GNG7: variants seen among roughly 807,000 people sequenced by gnomAD.
The protein encoded by GNG7 is guanine nucleotide-binding protein G(I)/G(S)/G(O) subunit gamma-7.
In GNG7, 1 loss-of-function variant was observed where a neutral mutation model predicts 4.0. The observed-to-expected ratio is 0.25, with a 90% confidence interval of 0.09 to 1.18. The LOEUF is 1.18. Among genes scored for constraint, GNG7 ranks in the 50% most tolerant of loss-of-function variants. GNG7 has a pLI of 0.50. For missense variants in GNG7, 86 were observed against 91.9 expected (o/e 0.94, Z 0.26); for synonymous variants, 34 against 36.9 (o/e 0.92, Z 0.29).
chr19:2,644,116 G>T (rs1210403026), intron 2 of GNG7, among the ~76,000 whole-genome samples: 1 of 151,750 alleles, frequency 6.6e-6, no homozygotes, highest in Non-Finnish European at 1.5e-5. Context: ...CGTCTCCCGC[G>T]TTCAAGCAAT....
At chr19:2,666,228 A>T (rs1983307239) in intron 1 of GNG7, among the ~76,000 whole-genome samples, 1 of 150,438 alleles carries the variant, frequency 6.6e-6, no homozygotes, top group Admixed American at 6.6e-5. Context: ...GCTGGAGTGC[A>T]GTGGCACGAT....
intron 2 of GNG7, among the ~76,000 whole-genome samples, chr19:2,565,347 TA>T (rs535264780): frequency 5.9e-5 from 9 of 151,430 alleles, no homozygotes; most frequent in Admixed American, 4.6e-4. Flanking sequence ...CCGTCTCTAC[TA>T]AAAAAATACA....
At chr19:2,597,123 G>T (rs925787177) in intron 2 of GNG7, among the ~76,000 whole-genome samples, 1 of 151,994 alleles carries the variant, frequency 6.6e-6, no homozygotes, top group African/African-American at 2.4e-5. Context: ...AAATTATCCA[G>T]GCATGGTGGT....
intron 2 of GNG7, among the ~76,000 whole-genome samples, chr19:2,583,258 C>A (rs1481641922): frequency 6.6e-6 from 1 of 152,170 alleles, no homozygotes; most frequent in Non-Finnish European, 1.5e-5. Context: ...GGATATTTTT[C>A]TTTAAACCTT....
At position 2,546,353 on chromosome 19, in the gene GNG7, G is replaced by A. The variant is rs753156414; in HGVS notation, c.-38+8796C>T. Among the ~76,000 whole-genome samples, 4 of 152,360 alleles carry A rather than the reference G, an allele frequency of 2.6e-5. No homozygotes were observed. In the East Asian group the frequency reaches 5.8e-4, roughly 22 times the overall value. On this transcript the variant is annotated intron_variant, in intron 3 of 4. Transcript: ENST00000382159. The surrounding 1 kb of genome is among the most constrained non-coding windows in gnomAD (Gnocchi z 6.3). Reference sequence around the variant, plus strand: ...GTCGCCCAGCAGGGCCTGGGAGGGCGGCTGTGTGTGGGGCCTTCCGTGCCA... The same window carrying A: ...GTCGCCCAGCAGGGCCTGGGAGGGCAGCTGTGTGTGGGGCCTTCCGTGCCA...
intron 2 of GNG7, chr19:2,630,643 A>AAC (rs1371785233): frequency 6.6e-6 from 1 of 151,920 alleles, no homozygotes; most frequent in Non-Finnish European, 1.5e-5. Flanking sequence ...ATGAGCCTGG[A>AAC]ATGAGCTTGG....
At chr19:2,555,377 C>T (rs1040899283) in intron 2 of GNG7, among the ~76,000 whole-genome samples, 189 bp from the exon 3 acceptor site, 5 of 152,130 alleles carry the variant, frequency 3.3e-5, no homozygotes, top group African/African-American at 1.2e-4. Context: ...TCTTTACCAC[C>T]GATCCGTGCG....
intron 3 of GNG7, among the ~76,000 whole-genome samples, chr19:2,542,569 G>A (rs758713073): frequency 1.3e-5 from 2 of 152,276 alleles, no homozygotes; most frequent in South Asian, 2.1e-4. Flanking sequence ...GACAGCAGGC[G>A]GCTCACGTTT....
intron 1 of GNG7, among the ~76,000 whole-genome samples, chr19:2,693,340 A>G (rs1402542882): frequency 6.7e-6 from 1 of 149,396 alleles, no homozygotes; most frequent in Non-Finnish European, 1.5e-5. Context: ...TGCTTGAGCC[A>G]GGGAGGTGGA....
intron 2 of GNG7, among the ~76,000 whole-genome samples, chr19:2,590,318 C>G (rs556068383): frequency 3.9e-5 from 6 of 152,234 alleles, no homozygotes; most frequent in South Asian, 4.2e-4. Context: ...TTTTCTCTAT[C>G]GGGCACATAA....
At chr19:2,588,676 G>T (rs1056571538) in intron 2 of GNG7, among the ~76,000 whole-genome samples, 22 of 152,216 alleles carry the variant, frequency 1.4e-4, no homozygotes, top group Admixed American at 5.2e-4. Flanking sequence ...GGGAACTCCA[G>T]ACTCAGGGTG....
chr19:2,641,924 C>G (rs1982518961), intron 2 of GNG7: 1 of 152,232 alleles, frequency 6.6e-6, no homozygotes, highest in Non-Finnish European at 1.5e-5. Flanking sequence ...CTCGACCTCC[C>G]AAAGTGCTGG....
chr19:2,668,639 A>G (rs541402406), intron 1 of GNG7, among the ~76,000 whole-genome samples: 181 of 152,328 alleles, frequency 1.2e-3, no homozygotes, highest in African/African-American at 3.5e-3. Context: ...CTAAGGGTGC[A>G]GCCGCTCCTG....
chr19:2,696,049 C>T (rs184945530), intron 1 of GNG7, among the ~76,000 whole-genome samples: 6 of 151,246 alleles, frequency 4.0e-5, no homozygotes, highest in Non-Finnish European at 8.8e-5. Context: ...CCCAGCTACT[C>T]GGGAGGCTGA....
chr19:2,578,321 C>T (rs1015917989), intron 2 of GNG7, among the ~76,000 whole-genome samples: 2 of 152,088 alleles, frequency 1.3e-5, no homozygotes, highest in African/African-American at 2.4e-5. Context: ...CCCAGAGGAC[C>T]GAGGGCAGCC....
chr19:2,536,429 A>AT (rs1054101548), intron 3 of GNG7, among the ~76,000 whole-genome samples: 5 of 151,696 alleles, frequency 3.3e-5, no homozygotes, highest in African/African-American at 9.7e-5. Context: ...AAAAAAAAAA[A>AT]GAAAAGAAAA....
intron 2 of GNG7, among the ~76,000 whole-genome samples, chr19:2,586,941 T>C (rs1225531192): frequency 1.5e-5 from 2 of 135,036 alleles, no homozygotes; most frequent in African/African-American, 2.8e-5. Context: ...GCAGAGATTG[T>C]GCCACCGCAC....
rs1913132569 is a variant in GNG7 at position 2,691,438 on chromosome 19, G to C, written c.-135+11208C>G. On this transcript the variant is annotated intron_variant, in intron 1 of 4. Coordinates refer to ENST00000382159, the MANE Select transcript of GNG7 (RefSeq NM_052847.3). ...ACATGCTTATAGTCCCAGCTACTCAGGAGGCTGAGGTGGGAGAATCACTTG... is the reference window on the plus strand; with the variant it reads ...ACATGCTTATAGTCCCAGCTACTCACGAGGCTGAGGTGGGAGAATCACTTG... Among the ~76,000 whole-genome samples the C allele has an allele frequency of 2.0e-5, 3 of 152,118 alleles. No individual in the cohort carries two copies. In the South Asian group the frequency reaches 6.2e-4, roughly 31 times the overall value.
chr19:2,551,669 TA>T (rs113818458), intron 3 of GNG7, among the ~76,000 whole-genome samples: 1 of 113,574 alleles, frequency 8.8e-6, no homozygotes, highest in Non-Finnish European at 1.8e-5. Context: ...AATATATATT[TA>T]AAAAATATAT....
Sources: allele counts gnomAD v4.1 joint callset (sites outside exome capture counted in the v4.1 genomes callset), GRCh38; gene constraint gnomAD v4.1.1; non-coding constraint Gnocchi (gnomAD v3.1); transcripts MANE v1.5; gene names NCBI Gene and HGNC (gene_info 2026-07-23, HGNC 2026-07-21).